The following C10orf143 variants were observed in gnomAD, a reference collection of about 807,000 sequenced individuals.
The protein encoded by C10orf143 is uncharacterized protein C10orf143.
In C10orf143 at chr10:130,110,783, G is replaced by C. The variant is rs1201041055; in HGVS notation, c.-11C>G. The stretch of plus-strand genomic sequence containing the variant: ...CGCTAAGCTGTCCATGCAGCCCCAG[G>C]GTCAAACCCTCCCGGCATCTCAGGC... On this transcript the variant is annotated 5_prime_UTR_variant, in exon 1 of 4. Coordinates refer to ENST00000637128, the MANE Select transcript of C10orf143 (RefSeq NM_001355042.2). 1 of 398,976 alleles carries C rather than the reference G, an allele frequency of 2.5e-6. No individual in the cohort carries two copies. Among genetic ancestry groups the C allele is most frequent in the Non-Finnish European group, 4.4e-6 (1 of 226,176 alleles). 24.7% of individuals were successfully genotyped at this position (398,976 alleles called of 1,614,324 possible).
rs1860802361 is a variant in C10orf143, at chr10:130,056,785, GT to G, written c.298-20816del. ...TTTTTGTATTTTTAGTAGAGACGGG[GT>G]TTCACCATGTTAGCCAAGATGGTCT... On this transcript the variant is annotated intron_variant and NMD_transcript_variant, in intron 3 of 5. Coordinates refer to the C10orf143 transcript ENST00000643056. The surrounding 1 kb of genome is among the most constrained non-coding windows in gnomAD (Gnocchi z 4.6). 1.3e-5 allele frequency among the ~76,000 whole-genome samples: 2 copies of G among 152,054 alleles called. No individual in the cohort carries two copies. Among genetic ancestry groups the G allele is most frequent in the Admixed American group, 6.5e-5 (1 of 15,272 alleles).
At chr10:130,063,419 G>T (rs1013080392), downstream of C10orf143, among the ~76,000 whole-genome samples, 1 of 152,174 alleles carries the variant, frequency 6.6e-6, no homozygotes, top group Non-Finnish European at 1.5e-5. Flanking sequence ...TCCCGGCTTT[G>T]GTTGTTTGGC....
intron 3 of C10orf143, among the ~76,000 whole-genome samples, chr10:130,037,286 C>T (rs972979424): frequency 1.3e-5 from 2 of 152,218 alleles, no homozygotes; most frequent in African/African-American, 2.4e-5. Context: ...ACACTTTTAA[C>T]TAAGCACTGC....
chr10:130,059,521 G>A (rs1860831784), downstream of C10orf143, among the ~76,000 whole-genome samples: 1 of 152,116 alleles, frequency 6.6e-6, no homozygotes, highest in African/African-American at 2.4e-5. Context: ...GCAGTGTGTG[G>A]CATGCAAATT....
At chr10:130,103,773 G>A (rs181149305) in intron 1 of C10orf143, among the ~76,000 whole-genome samples, 4 of 151,750 alleles carry the variant, frequency 2.6e-5, no homozygotes, top group African/African-American at 9.7e-5. Context: ...TCGCTCCACT[G>A]CACTGCAACC....
downstream of C10orf143, among the ~76,000 whole-genome samples, chr10:130,060,552 A>T (rs368621214): frequency 1.3e-5 from 2 of 151,454 alleles, no homozygotes; most frequent in Non-Finnish European, 2.9e-5. Flanking sequence ...AGCCGGGCGC[A>T]GTGGCTCACG....
At chr10:130,103,930 C>T (rs919557651) in intron 1 of C10orf143, among the ~76,000 whole-genome samples, 4 of 151,986 alleles carry the variant, frequency 2.6e-5, no homozygotes, top group African/African-American at 4.8e-5. Context: ...TTGCTCTACC[C>T]AAGAAACCTG....
intron 3 of C10orf143, among the ~76,000 whole-genome samples, chr10:130,054,214 A>T (rs1366928592): frequency 6.6e-6 from 1 of 152,112 alleles, no homozygotes; most frequent in Non-Finnish European, 1.5e-5. Flanking sequence ...GCATCATTCT[A>T]TTCTGGGCTT....
intron 1 of C10orf143, among the ~76,000 whole-genome samples, chr10:130,094,304 G>A (rs1436599007): frequency 6.6e-6 from 1 of 152,166 alleles, no homozygotes; most frequent in Non-Finnish European, 1.5e-5. Context: ...GGTACAAAGA[G>A]GAGCTGGTAC....
intron 1 of C10orf143, among the ~76,000 whole-genome samples, chr10:130,095,561 A>G (rs1422141343): frequency 6.6e-6 from 1 of 152,186 alleles, no homozygotes; most frequent in Non-Finnish European, 1.5e-5. Flanking sequence ...GCTACAGTAA[A>G]CAAAACAGCA....
rs918302553 is a variant in C10orf143, at chr10:130,109,851, G to GA, written c.69+852dup. On this transcript the variant is annotated intron_variant, in intron 1 of 3. Transcript: ENST00000637128. ...TTACCAAGCCTGTGTAGCTCTAGAA[G>GA]AAAAAAAAAAGCAAATATGCGGTAT... is the stretch of plus-strand genomic sequence containing the variant. Among the ~76,000 whole-genome samples the GA allele has an allele frequency of 1.1e-3, 159 of 147,774 alleles. 1 individual carries two copies. Among genetic ancestry groups the GA allele is most frequent in the Middle Eastern group, 3.5e-3 (1 of 284 alleles).
chr10:130,087,158 C>T (rs377660042), intron 1 of C10orf143, among the ~76,000 whole-genome samples: 11 of 151,860 alleles, frequency 7.2e-5, no homozygotes, highest in East Asian at 3.9e-4. Context: ...TGACCACATA[C>T]GATACTGATC....
intron 1 of C10orf143, chr10:130,106,748 C>A (rs1353072764): frequency 8.0e-7 from 1 of 1,249,810 alleles, no homozygotes; most frequent in Non-Finnish European, 1.2e-6. Flanking sequence ...ATGGAACGAA[C>A]AAGTGAATGA....
At chr10:130,107,317 A>C (rs1343431144) in intron 1 of C10orf143, 2 of 1,070,956 alleles carry the variant, frequency 1.9e-6, no homozygotes, top group Admixed American at 1.7e-5. Flanking sequence ...ATGCCACTAA[A>C]GAGCTGGAGA....
intron 3 of C10orf143, among the ~76,000 whole-genome samples, chr10:130,038,889 A>T (rs1156369581): frequency 6.6e-6 from 1 of 152,206 alleles, no homozygotes; most frequent in Non-Finnish European, 1.5e-5. Flanking sequence ...GTGATGGGCC[A>T]GCAGGCTCTG....
downstream of C10orf143, among the ~76,000 whole-genome samples, chr10:130,061,486 T>C (rs1860857108): frequency 6.6e-6 from 1 of 152,246 alleles, no homozygotes; most frequent in Non-Finnish European, 1.5e-5. Context: ...TAGAAACCAT[T>C]ACAAACTTAC....
At chr10:130,046,778 G>A (rs1258054001) in intron 3 of C10orf143, among the ~76,000 whole-genome samples, 1 of 152,192 alleles carries the variant, frequency 6.6e-6, no homozygotes, top group Admixed American at 6.5e-5. Context: ...TCACCTGCAC[G>A]CGGAGGTTCA....
At chr10:130,054,007 T>C (rs565377874) in intron 3 of C10orf143, among the ~76,000 whole-genome samples, 25 of 152,278 alleles carry the variant, frequency 1.6e-4, no homozygotes, top group African/African-American at 5.8e-4. Context: ...CAGTATGCTG[T>C]TTTGAATTTT....
chr10:130,073,619 G>GTT (rs142150629), intron 3 of C10orf143, among the ~76,000 whole-genome samples: 63 of 149,782 alleles, frequency 4.2e-4, no homozygotes, highest in Non-Finnish European at 6.8e-4. Flanking sequence ...TCAGCTGTGT[G>GTT]TTTTTTTTTT....
Sources: gnomAD v4.1 joint callset for allele counts (sites outside exome capture counted in the v4.1 genomes callset) on GRCh38, gnomAD v4.1.1 for gene constraint, Gnocchi (gnomAD v3.1) non-coding constraint, MANE v1.5 for transcripts, NCBI Gene and HGNC (gene_info 2026-07-23, HGNC 2026-07-21) for gene names.